FGD5: variants seen among roughly 807,000 people sequenced by gnomAD.
FGD5 encodes FYVE, RhoGEF and PH domain containing 5.
FGD5 carries 28 observed loss-of-function variants against 133.4 expected under a neutral mutation model. The ratio of observed to expected loss-of-function variants is 0.21; its 90% CI spans 0.16 to 0.29. The LOEUF (loss-of-function observed/expected upper bound fraction) is 0.29. FGD5 is among the 10% of genes least tolerant of loss of function. FGD5 has a pLI of 1.00. For missense variants in FGD5, 1,858 were observed against 1,895.2 expected (o/e 0.98, Z 0.36); for synonymous variants, 810 against 776.5 (o/e 1.04, Z -0.72).
intron 1 of FGD5, among the ~76,000 whole-genome samples, chr3:14,845,381 G>A (rs947536062): frequency 1.3e-5 from 2 of 152,204 alleles, no homozygotes; most frequent in Non-Finnish European, 2.9e-5. Context: ...TTAGTGATGG[G>A]GATGCCCCTC....
chr3:14,881,276 A>G (rs556158868), intron 4 of FGD5, among the ~76,000 whole-genome samples: 1 of 132,728 alleles, frequency 7.5e-6, no homozygotes, highest in African/African-American at 2.9e-5. Flanking sequence ...TTTCAGAGGA[A>G]AGGAGGCCAG....
chr3:14,813,969 C>A (rs918134956), upstream of FGD5, among the ~76,000 whole-genome samples: 11 of 152,196 alleles, frequency 7.2e-5, no homozygotes, highest in African/African-American at 2.7e-4. Context: ...TGTTAAAAAT[C>A]TCTTCCTCCT....
chr3:14,900,916 G>C (rs2038226030), intron 8 of FGD5, 87 bp from the exon 9 acceptor site: 6 of 1,497,836 alleles, frequency 4.0e-6, no homozygotes, highest in Middle Eastern at 3.4e-4. Flanking sequence ...GCCAAGCTGG[G>C]CTTGAGGCCT....
chr3:14,812,090 G>T lies in FGD5; in HGVS notation c.13+1225G>T, dbSNP rs573447936. Among the ~76,000 whole-genome samples the T allele has an allele frequency of 2.6e-5, 4 of 152,050 alleles. No homozygotes were observed. In the East Asian group the frequency reaches 7.7e-4, roughly 29 times the overall value. On this transcript the variant is annotated intron_variant, in intron 1 of 1. Coordinates refer to the FGD5 transcript ENST00000640506. Reference sequence around the variant, plus strand: ...TTAAAAATCTTTTTAATGAAAAAAAGTCATTGTTTTAGCAGTGAGGTGCAG... The same window carrying T: ...TTAAAAATCTTTTTAATGAAAAAAATTCATTGTTTTAGCAGTGAGGTGCAG...
intron 4 of FGD5, among the ~76,000 whole-genome samples, chr3:14,884,781 G>A (rs1057402154): frequency 3.3e-5 from 5 of 152,122 alleles, no homozygotes; most frequent in African/African-American, 4.8e-5. Flanking sequence ...GTAGGCAGCC[G>A]AAGGCCCATG....
At chr3:14,923,022 G>A (rs1280470773) in intron 15 of FGD5, 24 bp from the exon 16 acceptor site, 6 of 1,613,480 alleles carry the variant, frequency 3.7e-6, no homozygotes, top group Non-Finnish European at 3.4e-6. Context: ...AGAGGGGTGA[G>A]AATCTTCCCA....
In FGD5 at chr3:14,819,797, G is replaced by T; in HGVS notation, c.726G>T (p.Met242Ile). ...GTCCTGACAGGCCCACGGAGGACATGGGACAGGATGCTGAGGACACCAGTG... is the reference window on the plus strand; with the variant it reads ...GTCCTGACAGGCCCACGGAGGACATTGGACAGGATGCTGAGGACACCAGTG... ...GSGPDRPTED[M>I]GQDAEDTSEE... The change falls in exon 1 of 20, where the codon ATG becomes ATT. Residue 242 changes from methionine to isoleucine, a missense_variant. Met to Ile is a conservative substitution (Grantham distance 10). Transcript: ENST00000285046. This position sits in a 1 kb window ranked among gnomAD's most constrained non-coding sequence, Gnocchi z 4.1. 1 of 1,577,814 alleles carries T rather than the reference G, an allele frequency of 6.3e-7. No individual in the cohort carries two copies. The highest frequency in any genetic ancestry group is 8.6e-7 in the Non-Finnish European group (1 of 1,161,778).
chr3:14,868,607 T>G (rs760108349), intron 2 of FGD5, among the ~76,000 whole-genome samples: 61 of 152,232 alleles, frequency 4.0e-4, no homozygotes, highest in Non-Finnish European at 7.9e-4. Context: ...CTGGCTCCAC[T>G]GCAAACTCTT....
chr3:14,867,659 C>T (rs1441661799), intron 2 of FGD5, among the ~76,000 whole-genome samples: 1 of 148,848 alleles, frequency 6.7e-6, no homozygotes, highest in African/African-American at 2.5e-5. Flanking sequence ...GGAGGTTTCC[C>T]AAGTGAGTGA....
chr3:14,901,984 C>T (rs752977244), intron 9 of FGD5, among the ~76,000 whole-genome samples: 1 of 152,000 alleles, frequency 6.6e-6, no homozygotes, highest in Non-Finnish European at 1.5e-5. Context: ...CCGAGGTTGC[C>T]AGAAGAGATG....
rs545221184 is a variant in FGD5 at position 14,866,465 on chromosome 3, C to A, written c.2658+2205C>A. On this transcript the variant is annotated intron_variant, in intron 2 of 19. Transcript: ENST00000285046. The stretch of plus-strand genomic sequence containing the variant: ...CTCCCGGCCACTGCTTGGACACTCC[C>A]AGGACTAAGGAGCTAGCAAGAGGTA... Among the ~76,000 whole-genome samples, 4 of 152,150 alleles carry A rather than the reference C, an allele frequency of 2.6e-5. No homozygotes were observed. The East Asian group carries it at 5.8e-4, about 22-fold the overall frequency.
chr3:14,844,212 AAAAAAATATATATATATATATATATAT>A (rs1200657602), intron 1 of FGD5, among the ~76,000 whole-genome samples: 10 of 32,150 alleles, frequency 3.1e-4, no homozygotes, highest in African/African-American at 1.3e-3. Context: ...ATTAAAAAAA[AAAAAAATATATATATATATATATATAT>A]ATATATATAT....
chr3:14,924,103 A>C lies in FGD5; in HGVS notation c.4033A>C (p.Lys1345Gln). ...CCAGAGCATTAACCCCTCGACCTTC[A>C]AGAAGCAGAAGAAAGTCCCTTCAGC... is the stretch of plus-strand genomic sequence containing the variant. Reference protein sequence around the residue: ...VFQSINPSTFKKQKKVPSALT... With the variant: ...VFQSINPSTFQKQKKVPSALT... Residue 1345 changes from lysine (K) to glutamine (Q), a missense_variant, in exon 17 of 20, where the codon AAG becomes CAG. Physicochemically the swap from Lys to Gln is moderately conservative, Grantham distance 53 (BLOSUM62 1). Around this residue, in one of 3 missense-constraint regions of FGD5, gnomAD observed 1,824 missense variants for 1,848.9 expected, o/e 0.99. Transcript: ENST00000285046. 6.2e-7 allele frequency: 1 copy of C among 1,613,934 alleles called. No individual in the cohort carries two copies. The highest frequency in any genetic ancestry group is 1.1e-5 in the South Asian group (1 of 91,078).
At chr3:14,899,977 A>T (rs60753809) in intron 7 of FGD5, among the ~76,000 whole-genome samples, 4,607 of 152,290 alleles carry the variant, frequency 0.03, 244 homozygotes, top group East Asian at 0.22. Flanking sequence ...TCATGGCCAG[A>T]ATAGAACGAG....
At chr3:14,823,349 G>A (rs968226039) in intron 1 of FGD5, among the ~76,000 whole-genome samples, 4 of 152,146 alleles carry the variant, frequency 2.6e-5, no homozygotes, top group East Asian at 3.9e-4. Context: ...CTGCCTCATC[G>A]GGTGCTGGGT....
chr3:14,815,942 G>T (rs999392602), upstream of FGD5, among the ~76,000 whole-genome samples: 7 of 152,246 alleles, frequency 4.6e-5, no homozygotes, highest in Non-Finnish European at 1.0e-4. Context: ...GTCAGATGAA[G>T]CCTTTCTTCT....
At position 14,933,216 on chromosome 3, in the gene FGD5, A is replaced by G. The variant is rs886962442; in HGVS notation, c.*49A>G. 2 of 1,596,826 alleles carry G rather than the reference A, an allele frequency of 1.3e-6. No individual in the cohort carries two copies. Among genetic ancestry groups the G allele is most frequent in the Non-Finnish European group, 1.7e-6 (2 of 1,169,186 alleles). The stretch of plus-strand genomic sequence containing the variant: ...TAACAAATTCTTAGGTCAATATGTG[A>G]ATGCTTTTAGAAGCTAAGCTGTGGC... On this transcript the variant is annotated 3_prime_UTR_variant, in exon 20 of 20. Transcript: ENST00000285046.
chr3:14,908,730 C>G (rs903500889), intron 10 of FGD5, among the ~76,000 whole-genome samples: 3 of 151,030 alleles, frequency 2.0e-5, no homozygotes, highest in Non-Finnish European at 4.4e-5. Flanking sequence ...ACTAAAAATA[C>G]AAAAAATTAG....
chr3:14,814,281 C>T (rs1406861444), upstream of FGD5, among the ~76,000 whole-genome samples: 1 of 152,148 alleles, frequency 6.6e-6, no homozygotes, highest in Non-Finnish European at 1.5e-5. Flanking sequence ...TTTCGCCCTA[C>T]CATACCCTAA....
Sources: allele counts gnomAD v4.1 joint callset (sites outside exome capture counted in the v4.1 genomes callset), GRCh38; gene constraint gnomAD v4.1.1; regional missense constraint gnomAD v4.1.1; non-coding constraint Gnocchi (gnomAD v3.1); transcripts MANE v1.5; gene names NCBI Gene and HGNC (gene_info 2026-07-23, HGNC 2026-07-21).